Variants in CABLES1 observed in about 807,000 individuals in gnomAD.
The protein encoded by CABLES1 is Cdk5 and Abl enzyme substrate 1.
In CABLES1, 36 loss-of-function variants were observed where a neutral mutation model predicts 57.8. The observed-to-expected ratio is 0.62, with a 90% CI of 0.48 to 0.82. The LOEUF is 0.82. Ranked by LOEUF, CABLES1 falls within the 40% of genes least tolerant of loss-of-function variation. The probability of loss-of-function intolerance (pLI) is 0.00; values close to 1 mark genes in which losing one functional copy is unlikely to be tolerated. For synonymous variants in CABLES1, 374 were observed against 363.0 expected, an observed-to-expected ratio of 1.03 and a Z score of -0.35; for missense variants, 767 against 836.6, an observed-to-expected ratio of 0.92 and a Z score of 1.03.
intron 9 of CABLES1, 90 bp downstream of exon 9, chr18:23,254,026 G>A: frequency 9.4e-7 from 1 of 1,061,106 alleles, no homozygotes; most frequent in Middle Eastern, 2.0e-4. Context: ...ACCCTGCCTG[G>A]AAGGATTCTG....
intron 3 of CABLES1, chr18:23,197,945 A>G (rs1437766118): frequency 3.3e-5 from 5 of 152,230 alleles, no homozygotes; most frequent in African/African-American, 1.2e-4. Flanking sequence ...GCTGGGTGCC[A>G]GGCTCTAAGT....
At chr18:23,199,201 AAG>A (rs1162093746) in intron 3 of CABLES1, among the ~76,000 whole-genome samples, 2 of 152,242 alleles carry the variant, frequency 1.3e-5, no homozygotes, top group African/African-American at 4.8e-5. Context: ...GATTGTTAAA[AAG>A]AAAATAAAGT....
chr18:23,224,360 T>A (rs58950944), intron 4 of CABLES1, among the ~76,000 whole-genome samples: 8,581 of 152,006 alleles, frequency 0.056, 627 homozygotes, highest in Admixed American at 0.22. Flanking sequence ...AGTGTGGTGC[T>A]TGGGAACGAG....
At chr18:23,240,609 T>C (rs550897615) in intron 7 of CABLES1, among the ~76,000 whole-genome samples, 2 of 152,318 alleles carry the variant, frequency 1.3e-5, no homozygotes, top group African/African-American at 2.4e-5. Context: ...TGCTCAGTGA[T>C]TGGGGAAGGA....
intron 7 of CABLES1, among the ~76,000 whole-genome samples, chr18:23,249,223 T>C (rs2047978194): frequency 6.6e-6 from 1 of 152,240 alleles, no homozygotes; most frequent in Admixed American, 6.5e-5. Context: ...GAATCCTAGC[T>C]GCAAAGGAGT....
rs767998544 is a variant in CABLES1 at position 23,136,512 on chromosome 18, C to T, written c.750C>T (p.Ile250=). 14 of 1,595,400 alleles carry T rather than the reference C, an allele frequency of 8.8e-6. No homozygotes were observed. Among genetic ancestry groups the T allele is most frequent in the Non-Finnish European group, 1.2e-5 (14 of 1,176,310 alleles). ...LNSFTQGILP[I]AFSRPTSQNY... ...CGTTCACTCAGGGAATCCTGCCCAT[C>T]GCCTTCTCCAGGCCGACTTCGCAGA... Residue 250 remains isoleucine, a synonymous_variant, in exon 1 of 10, where the codon ATC becomes ATT. Transcript: ENST00000256925.
intron 7 of CABLES1, among the ~76,000 whole-genome samples, chr18:23,242,136 G>C (rs925015895): frequency 5.9e-5 from 9 of 152,208 alleles, no homozygotes; most frequent in African/African-American, 2.2e-4. Context: ...AAATGAGCCA[G>C]GTGTAGTGGC....
rs954579286 is a variant in CABLES1, at chr18:23,249,371, G to A, written c.1447-3589G>A. ...AGCCTCAGCCCCGGGGGTTTAGGAG[G>A]AGGAGCCTGCAGAAGTGGCCAAACC... On this transcript the variant is annotated intron_variant, in intron 7 of 9. Transcript: ENST00000256925. Among the ~76,000 whole-genome samples the A allele has an allele frequency of 3.3e-5, 5 of 152,184 alleles. No individual in the cohort carries two copies. The South Asian group carries it at 1.0e-3, about 32-fold the overall frequency.
chr18:23,136,215 T>C lies in CABLES1; in HGVS notation c.453T>C (p.Pro151=). 1 of 1,258,630 alleles carries C rather than the reference T, an allele frequency of 7.9e-7. No homozygotes were observed. Among genetic ancestry groups the C allele is most frequent in the Non-Finnish European group, 9.9e-7 (1 of 1,005,116 alleles). The allele number at this position is 1,258,630 out of a possible 1,614,324, so 78.0% of individuals were successfully genotyped here. The change falls in exon 1 of 10, where the codon CCT becomes CCC. Residue 151 remains proline (P), a synonymous_variant. Coordinates refer to ENST00000256925, the MANE Select transcript of CABLES1 (RefSeq NM_001100619.3). ...PQPSSLPPLI[P]GGHATVSGPG... is the part of the protein sequence containing the mutation. ...CCTCGTCGCTGCCGCCCTTGATTCC[T>C]GGCGGCCATGCGACCGTGTCCGGCC...
intron 1 of CABLES1, among the ~76,000 whole-genome samples, chr18:23,188,365 CT>C (rs1330695741): frequency 2.6e-5 from 4 of 152,170 alleles, no homozygotes; most frequent in Admixed American, 2.6e-4. Context: ...GGAGCATAAC[CT>C]TTTTATTGCA....
In CABLES1 at chr18:23,233,577, G is replaced by A. The variant is rs116359627; in HGVS notation, c.1089-1031G>A. Among the ~76,000 whole-genome samples, 1,154 of 152,314 alleles carry A rather than the reference G, an allele frequency of 7.6e-3. 11 individuals are homozygous for A. The highest frequency in any genetic ancestry group is 0.026 in the African/African-American group (1,097 of 41,568). ...ATAAATGCTTGTTTGGCCAGGCATG[G>A]TAGCTCACACCTGTAATCCCAGCAC... is the stretch of plus-strand genomic sequence containing the variant. On this transcript the variant is annotated intron_variant, in intron 4 of 9. Transcript: ENST00000256925.
intron 3 of CABLES1, chr18:23,197,595 A>T (rs2047293805): frequency 6.6e-6 from 1 of 152,244 alleles, no homozygotes; most frequent in Non-Finnish European, 1.5e-5. Context: ...GACCAGCCAG[A>T]TGGAGCGGAG....
At chr18:23,188,789 A>G (rs757433902) in intron 1 of CABLES1, 49 bp from the exon 2 acceptor site, 6 of 1,247,480 alleles carry the variant, frequency 4.8e-6, no homozygotes, top group Non-Finnish European at 7.1e-6. Context: ...ATGTCTGATC[A>G]GTTCTGCAAT....
At chr18:23,159,222 C>A (rs1429366798) in intron 1 of CABLES1, among the ~76,000 whole-genome samples, 1 of 152,246 alleles carries the variant, frequency 6.6e-6, no homozygotes, top group Non-Finnish European at 1.5e-5. Context: ...GCCTTGGCCT[C>A]CCAAAGTTTT....
chr18:23,205,150 G>A lies in CABLES1; in HGVS notation c.1011-8827G>A, dbSNP rs2061255038. Among the ~76,000 whole-genome samples, 4 of 151,768 alleles carry A rather than the reference G, an allele frequency of 2.6e-5. 1 individual carries two copies. Among genetic ancestry groups the A allele is most frequent in the Admixed American group, 2.6e-4 (4 of 15,222 alleles). ...AGGGCTGTTCTGGCTGAGCAGGAGGGGAGGGAATTCCAAAAGGACTTCATT... is the reference window on the plus strand; with the variant it reads ...AGGGCTGTTCTGGCTGAGCAGGAGGAGAGGGAATTCCAAAAGGACTTCATT... On this transcript the variant is annotated intron_variant, in intron 3 of 9. Coordinates refer to ENST00000256925, the MANE Select transcript of CABLES1 (RefSeq NM_001100619.3).
intron 8 of CABLES1, among the ~76,000 whole-genome samples, 177 bp downstream of exon 8, chr18:23,253,243 G>A (rs1414512554): frequency 6.6e-6 from 1 of 152,218 alleles, no homozygotes; most frequent in Non-Finnish European, 1.5e-5. Flanking sequence ...AGCACTTTGG[G>A]AGGCCGAAGT....
intron 1 of CABLES1, among the ~76,000 whole-genome samples, chr18:23,160,369 A>C (rs2046995123): frequency 6.6e-6 from 1 of 152,118 alleles, no homozygotes; most frequent in Non-Finnish European, 1.5e-5. Flanking sequence ...GTGATGGATT[A>C]GTAGAGTCTT....
At chr18:23,163,309 CAG>C (rs1568048962) in intron 1 of CABLES1, among the ~76,000 whole-genome samples, 3 of 152,102 alleles carry the variant, frequency 2.0e-5, no homozygotes, top group Non-Finnish European at 4.4e-5. Flanking sequence ...CCTGGAGCTT[CAG>C]AGCAAGGCGG....
rs913481581 is a variant in CABLES1 at position 23,234,782 on chromosome 18, C to G, written c.1185+78C>G. On this transcript the variant is annotated intron_variant, in intron 5 of 9. Transcript: ENST00000256925. ...GGAAGCAGAGGAGGGGGGCAGCCCACAAGCCTCTCTTGAGGTGGAGGACTC... is the reference window on the plus strand; with the variant it reads ...GGAAGCAGAGGAGGGGGGCAGCCCAGAAGCCTCTCTTGAGGTGGAGGACTC... The G allele has an allele frequency of 2.6e-6, 3 of 1,153,016 alleles. No individual in the cohort carries two copies. In the East Asian group the frequency reaches 7.6e-5, roughly 29 times the overall value. The allele number at this position is 1,153,016 out of a possible 1,614,324, so 71.4% of individuals were successfully genotyped here. A position where few individuals can be genotyped will look rare whatever the true frequency, so the allele number is the denominator to read the frequency against.
Sources: allele counts gnomAD v4.1 joint callset (sites outside exome capture counted in the v4.1 genomes callset), GRCh38; gene constraint gnomAD v4.1.1; transcripts MANE v1.5; gene names NCBI Gene and HGNC (gene_info 2026-07-23, HGNC 2026-07-21).